THSD7A: variants seen among roughly 807,000 people sequenced by gnomAD.
THSD7A encodes thrombospondin type-1 domain-containing protein 7A.
A neutral mutation model predicts 231.3 loss-of-function variants in THSD7A; 96 were observed. That is an observed-to-expected ratio of 0.41 (90% CI 0.35 to 0.49). THSD7A has a LOEUF of 0.49. Among genes scored for constraint, THSD7A ranks in the 20% least tolerant of loss-of-function variants. THSD7A has a pLI of 0.05. For missense variants in THSD7A, 2,290 were observed against 2,070.2 expected (o/e 1.11, Z -2.06); for synonymous variants, 940 against 743.3 (o/e 1.26, Z -4.30).
rs555417205 is a variant in THSD7A at position 11,726,934 on chromosome 7, A to AGAGGTTTGGCACACAGCTCTAGGC, written c.191-89997_191-89974dup. 2.0e-5 allele frequency among the ~76,000 whole-genome samples: 3 copies of AGAGGTTTGGCACACAGCTCTAGGC among 152,080 alleles called. No individual in the cohort carries two copies. In the South Asian group the frequency reaches 6.2e-4, roughly 32 times the overall value. On this transcript the variant is annotated intron_variant, in intron 1 of 27. Transcript: ENST00000423059. ...CCCAGTCTCTCTCGTAATGAAAACC[A>AGAGGTTTGGCACACAGCTCTAGGC]GAGGTTTGGCACACAGCTCTAGGCA...
intron 26 of THSD7A, chr7:11,378,717 G>C (rs1437736615): frequency 8.4e-6 from 2 of 237,022 alleles, no homozygotes; most frequent in African/African-American, 4.6e-5. Context: ...TGTCTTTATA[G>C]TCTCCTTTAT....
intron 1 of THSD7A, among the ~76,000 whole-genome samples, chr7:11,652,988 G>C (rs1782563568): frequency 6.6e-6 from 1 of 151,902 alleles, no homozygotes; most frequent in East Asian, 1.9e-4. Flanking sequence ...TTGAGGAATA[G>C]CTTAATTTTT....
chr7:11,654,071 TA>T (rs1782615894), intron 1 of THSD7A, among the ~76,000 whole-genome samples: 1 of 151,896 alleles, frequency 6.6e-6, no homozygotes, highest in Admixed American at 6.6e-5. Context: ...AGTTGAGAGA[TA>T]TTTTTTTCTA....
At chr7:11,560,158 G>A (rs1016702338) in intron 4 of THSD7A, among the ~76,000 whole-genome samples, 41 of 152,178 alleles carry the variant, frequency 2.7e-4, no homozygotes, top group Non-Finnish European at 4.4e-4. Flanking sequence ...AAAGCAAGCC[G>A]AAGAATATAT....
chr7:11,796,243 T>C (rs1784122918), intron 1 of THSD7A, among the ~76,000 whole-genome samples: 1 of 151,122 alleles, frequency 6.6e-6, no homozygotes, highest in Admixed American at 6.6e-5. Flanking sequence ...TTTCTACTGA[T>C]ATATATTTCT....
chr7:11,459,793 C>G (rs1785436993), intron 11 of THSD7A, among the ~76,000 whole-genome samples: 1 of 142,472 alleles, frequency 7.0e-6, no homozygotes, highest in African/African-American at 2.6e-5. Context: ...AACTGGAATT[C>G]TGCTCTACAT....
chr7:11,518,361 C>G (rs1788120840), intron 6 of THSD7A, among the ~76,000 whole-genome samples: 1 of 151,972 alleles, frequency 6.6e-6, no homozygotes, highest in African/African-American at 2.4e-5. Flanking sequence ...TTCAATTTGG[C>G]TTTAAAGGAA....
At chr7:11,382,435 CTTTG>C in intron 24 of THSD7A, 82 bp downstream of exon 24, 1 of 1,131,976 alleles carries the variant, frequency 8.8e-7, no homozygotes. Context: ...GAAAGAGTAA[CTTTG>C]TTTCCTTAAT....
chr7:11,809,286 A>G (rs73300411), intron 1 of THSD7A, among the ~76,000 whole-genome samples: 7,936 of 152,252 alleles, frequency 0.052, 681 homozygotes, highest in African/African-American at 0.18. Context: ...TTGTTGTTAA[A>G]GTGCTGACAT....
intron 13 of THSD7A, among the ~76,000 whole-genome samples, chr7:11,443,736 G>T (rs921477030): frequency 6.6e-6 from 1 of 151,804 alleles, no homozygotes; most frequent in Non-Finnish European, 1.5e-5. Flanking sequence ...TAGTTAAAAT[G>T]GTAATATTAT....
chr7:11,691,257 A>G (rs1442227946), intron 1 of THSD7A, among the ~76,000 whole-genome samples: 1 of 151,616 alleles, frequency 6.6e-6, no homozygotes, highest in Non-Finnish European at 1.5e-5. Flanking sequence ...CTCACAGTCA[A>G]CTAGGGACAT....
chr7:11,550,120 A>G (rs1377861145), intron 4 of THSD7A, among the ~76,000 whole-genome samples: 1 of 152,186 alleles, frequency 6.6e-6, no homozygotes, highest in Non-Finnish European at 1.5e-5. Flanking sequence ...CCCAGACCTG[A>G]TAAGACACTT....
chr7:11,414,545 G>A (rs964684161), intron 17 of THSD7A, among the ~76,000 whole-genome samples: 5 of 152,106 alleles, frequency 3.3e-5, no homozygotes, highest in Non-Finnish European at 5.9e-5. Context: ...TGTCAGGATG[G>A]CCACCCTGCA....
chr7:11,816,330 A>G (rs1013276002), intron 1 of THSD7A, among the ~76,000 whole-genome samples: 1 of 152,206 alleles, frequency 6.6e-6, no homozygotes, highest in African/African-American at 2.4e-5. Flanking sequence ...TCGTTATGCA[A>G]TGCAATGTAT....
intron 6 of THSD7A, among the ~76,000 whole-genome samples, chr7:11,484,866 C>G (rs186329502): frequency 0.018 from 1,728 of 97,422 alleles, 22 homozygotes; most frequent in Non-Finnish European, 0.027. Context: ...CACTGAATCA[C>G]AACCTTAATT....
chr7:11,722,803 C>T (rs1047846690), intron 1 of THSD7A, among the ~76,000 whole-genome samples: 18 of 151,980 alleles, frequency 1.2e-4, no homozygotes, highest in Middle Eastern at 3.4e-3. Context: ...GTTAGAATGG[C>T]GATCATTAAA....
At position 11,676,668 on chromosome 7, in the gene THSD7A, A is replaced by G. The variant is rs536724467; in HGVS notation, c.191-39707T>C. Among the ~76,000 whole-genome samples, 4 of 152,308 alleles carry G rather than the reference A, an allele frequency of 2.6e-5. No homozygotes were observed. The South Asian group carries it at 8.3e-4, about 32-fold the overall frequency. On this transcript the variant is annotated intron_variant, in intron 1 of 27. Transcript: ENST00000423059. ...TCAATCAAGTGGAAGAAAGGATATCAGAGATAGAAGATGGACTTAATGAAA... is the reference window on the plus strand; with the variant it reads ...TCAATCAAGTGGAAGAAAGGATATCGGAGATAGAAGATGGACTTAATGAAA...
At chr7:11,720,114 T>G (rs1781295562) in intron 1 of THSD7A, among the ~76,000 whole-genome samples, 1 of 151,732 alleles carries the variant, frequency 6.6e-6, no homozygotes, top group Non-Finnish European at 1.5e-5. Flanking sequence ...GGGTACGATA[T>G]AAATACATTT....
chr7:11,690,483 C>A (rs1270882436), intron 1 of THSD7A, among the ~76,000 whole-genome samples: 1 of 151,716 alleles, frequency 6.6e-6, no homozygotes, highest in African/African-American at 2.4e-5. Flanking sequence ...GGTATTTTAT[C>A]TCCTGTCTTG....
Sources: allele counts gnomAD v4.1 joint callset (sites outside exome capture counted in the v4.1 genomes callset), GRCh38; gene constraint gnomAD v4.1.1; transcripts MANE v1.5; gene names NCBI Gene and HGNC (gene_info 2026-07-23, HGNC 2026-07-21).